OCLN: variants seen among roughly 807,000 people sequenced by gnomAD.
OCLN encodes phosphatase 1, regulatory subunit 115.
A neutral mutation model predicts 47.9 loss-of-function variants in OCLN; 21 were observed. The observed-to-expected ratio is 0.44, with a 90% confidence interval of 0.31 to 0.63. The LOEUF (loss-of-function observed/expected upper bound fraction) is 0.63, where lower values mean the gene tolerates loss of function less well. Ranked by LOEUF, OCLN falls within the 30% of genes least tolerant of loss-of-function variation. The pLI is 0.08. For synonymous variants in OCLN, 117 were observed against 198.4 expected, an observed-to-expected ratio of 0.59 and a Z score of 3.45; for missense variants, 360 against 571.0, an observed-to-expected ratio of 0.63 and a Z score of 3.77.
chr5:69,496,307 C>T (rs1314857721), intron 1 of OCLN, among the ~76,000 whole-genome samples: 1 of 151,912 alleles, frequency 6.6e-6, no homozygotes, highest in Non-Finnish European at 1.5e-5. Flanking sequence ...ACTGTGTTAG[C>T]GGGGATGGTC....
chr5:69,504,062 T>G (rs1768529424), intron 1 of OCLN, 115 bp from the exon 2 acceptor site: 1 of 638,792 alleles, frequency 1.6e-6, no homozygotes, highest in Non-Finnish European at 2.9e-6. Context: ...ATTGGACCAC[T>G]GCACTCCAGC....
chr5:69,509,626 G>C lies in OCLN; in HGVS notation c.536G>C (p.Ser179Thr), dbSNP rs1431820745. The C allele has an allele frequency of 1.2e-6, 2 of 1,614,234 alleles. No individual in the cohort carries two copies. The highest frequency in any genetic ancestry group is 1.7e-5 in the Admixed American group (1 of 60,026). Residue 179 changes from serine to threonine, a missense_variant, in exon 3 of 9, where the codon AGT becomes ACT. Transcript: ENST00000396442. ...TACTACTTAAGTGTGATAATAGTGA[G>C]TGCTATCCTGGGCATCATGGTGTTT... The part of the protein sequence containing the change: ...RRYYLSVIIV[S>T]AILGIMVFIA...
chr5:69,498,986 A>G (rs1446066001), intron 1 of OCLN, among the ~76,000 whole-genome samples: 1 of 152,006 alleles, frequency 6.6e-6, no homozygotes, highest in East Asian at 1.9e-4. Context: ...GACCTCTTGT[A>G]GACTTTAAAT....
At chr5:69,492,645 T>TC (rs2111907397), upstream of OCLN, 1 of 152,406 alleles carries the variant, frequency 6.6e-6, no homozygotes, top group African/African-American at 2.4e-5. Flanking sequence ...GAGGAGCCGG[T>TC]CTAGGACGCA....
chr5:69,535,025 G>C (rs1769544575), intron 5 of OCLN, among the ~76,000 whole-genome samples, 186 bp downstream of exon 5: 1 of 151,708 alleles, frequency 6.6e-6, no homozygotes, highest in East Asian at 1.9e-4. Flanking sequence ...TGGAAGACCA[G>C]GATGAGGAGG....
intron 3 of OCLN, among the ~76,000 whole-genome samples, chr5:69,511,702 CT>C (rs1233030754): frequency 1.3e-5 from 2 of 152,022 alleles, no homozygotes; most frequent in African/African-American, 4.8e-5. Context: ...CATCTTTTCA[CT>C]TTCTTGATGG....
chr5:69,512,873 T>C (rs1768824696), intron 3 of OCLN, among the ~76,000 whole-genome samples: 1 of 152,206 alleles, frequency 6.6e-6, no homozygotes, highest in Non-Finnish European at 1.5e-5. Context: ...GAGTTACTGA[T>C]CTTTTTTCCC....
At chr5:69,527,879 G>A (rs1038274818) in intron 4 of OCLN, among the ~76,000 whole-genome samples, 1 of 151,922 alleles carries the variant, frequency 6.6e-6, no homozygotes, top group Admixed American at 6.6e-5. Flanking sequence ...GCCAAAAGGG[G>A]GTCTTCTCGG....
chr5:69,533,964 A>G (rs1769521164), intron 4 of OCLN, among the ~76,000 whole-genome samples: 1 of 152,072 alleles, frequency 6.6e-6, no homozygotes, highest in Admixed American at 6.6e-5. Context: ...CCGGCCTATT[A>G]AGGCATAATT....
chr5:69,496,781 A>G (rs1179069734), intron 1 of OCLN, among the ~76,000 whole-genome samples: 5 of 152,202 alleles, frequency 3.3e-5, no homozygotes, highest in Admixed American at 6.5e-5. Flanking sequence ...CAAGGGGAGA[A>G]CACTTTATAT....
intron 3 of OCLN, 46 bp downstream of exon 3, chr5:69,509,865 C>G: frequency 1.4e-6 from 2 of 1,382,810 alleles, no homozygotes; most frequent in Non-Finnish European, 2.1e-6. Context: ...TTAGCAGAGG[C>G]CTTCAACTTG....
intron 4 of OCLN, among the ~76,000 whole-genome samples, chr5:69,525,651 G>T (rs1247663702): frequency 6.6e-6 from 1 of 152,034 alleles, no homozygotes; most frequent in Non-Finnish European, 1.5e-5. Flanking sequence ...TGATACTCTT[G>T]ATTTTTATAA....
intron 4 of OCLN, among the ~76,000 whole-genome samples, chr5:69,516,245 G>C (rs1008332866): frequency 1.3e-5 from 2 of 152,216 alleles, no homozygotes; most frequent in African/African-American, 2.4e-5. Flanking sequence ...CTGCAATCCC[G>C]GCACCTTGGG....
At chr5:69,536,226 A>C (rs1183685473) in intron 5 of OCLN, among the ~76,000 whole-genome samples, 2 of 151,738 alleles carry the variant, frequency 1.3e-5, no homozygotes, top group Admixed American at 6.6e-5. Context: ...GTAAGTGGTG[A>C]GTGAATGTGA....
rs57565533 is a variant in OCLN, at chr5:69,549,166, TAA to T, written c.1425+1080_1425+1081del. 1.1e-3 allele frequency among the ~76,000 whole-genome samples: 115 copies of T among 104,614 alleles called. 1 individual carries two copies. The highest frequency in any genetic ancestry group is 5.8e-3 in the South Asian group (17 of 2,934). 68.6% of individuals were successfully genotyped at this position (104,614 alleles called of 152,430 possible). ...TAACACAGTGAAACCCCGTCTCTAC[TAA>T]AAAAAAAAAAAAAATACAAAAAATT... On this transcript the variant is annotated intron_variant, in intron 7 of 8. Transcript: ENST00000396442.
chr5:69,530,815 T>C (rs971342764), intron 4 of OCLN: 2 of 152,344 alleles, frequency 1.3e-5, no homozygotes, highest in Non-Finnish European at 2.9e-5. Context: ...GTTCTGCTGA[T>C]GCTAAGAGAG....
At position 69,554,548 on chromosome 5, in the gene OCLN, A is replaced by T. The variant is rs1330324559; in HGVS notation, c.*877A>T. 1 of 151,966 alleles carries T rather than the reference A, an allele frequency of 6.6e-6. No individual in the cohort carries two copies. 9.4% of individuals were successfully genotyped at this position (151,966 alleles called of 1,614,324 possible). A position where few individuals can be genotyped will look rare whatever the true frequency, so the allele number is the denominator to read the frequency against. On this transcript the variant is annotated 3_prime_UTR_variant, in exon 9 of 9. Transcript: ENST00000396442. ...TCTATACATATTTTATAAGGTATTAAACCTGGTGTTTTCTTTCCATAATAA... is the reference window on the plus strand; with the variant it reads ...TCTATACATATTTTATAAGGTATTATACCTGGTGTTTTCTTTCCATAATAA...
At chr5:69,523,058 C>T (rs1769185793) in intron 4 of OCLN, among the ~76,000 whole-genome samples, 1 of 152,022 alleles carries the variant, frequency 6.6e-6, no homozygotes, top group African/African-American at 2.4e-5. Flanking sequence ...TAACATCCTA[C>T]ATTAGTGTGG....
intron 5 of OCLN, among the ~76,000 whole-genome samples, chr5:69,538,081 C>T (rs1201325964): frequency 6.8e-6 from 1 of 147,478 alleles, no homozygotes; most frequent in Non-Finnish European, 1.5e-5. Context: ...GTAGCATAGT[C>T]GTTTATTGTC....
Sources: allele counts gnomAD v4.1 joint callset (sites outside exome capture counted in the v4.1 genomes callset), GRCh38; gene constraint gnomAD v4.1.1; transcripts MANE v1.5; gene names NCBI Gene and HGNC (gene_info 2026-07-23, HGNC 2026-07-21).